SMYD3: variants seen among roughly 807,000 people sequenced by gnomAD.
The protein encoded by SMYD3 is histone-lysine N-methyltransferase SMYD3.
Under a neutral mutation model 57.7 loss-of-function variants are expected in SMYD3, and 36 were observed. The observed-to-expected ratio is 0.62, with a 90% CI of 0.48 to 0.82. The LOEUF is 0.82. Among genes scored for constraint, SMYD3 ranks in the 40% least tolerant of loss-of-function variants. The pLI is 0.00. For synonymous variants in SMYD3, 211 were observed against 195.0 expected, an observed-to-expected ratio of 1.08 and a Z score of -0.68; for missense variants, 515 against 538.8, an observed-to-expected ratio of 0.96 and a Z score of 0.44.
At chr1:246,319,579 G>C (rs2065214679) in intron 5 of SMYD3, among the ~76,000 whole-genome samples, 1 of 152,152 alleles carries the variant, frequency 6.6e-6, no homozygotes, top group South Asian at 2.1e-4. Context: ...GGCTACAGCA[G>C]TGAAACCCAA....
chr1:246,189,664 G>A (rs1451049236), intron 5 of SMYD3, among the ~76,000 whole-genome samples: 1 of 152,154 alleles, frequency 6.6e-6, no homozygotes, highest in African/African-American at 2.4e-5. Flanking sequence ...CACTTAGGGT[G>A]GCTGCCTTTT....
chr1:246,446,978 G>A (rs746799536), intron 1 of SMYD3, among the ~76,000 whole-genome samples: 8 of 149,184 alleles, frequency 5.4e-5, no homozygotes, highest in East Asian at 2.0e-4. Context: ...GCAGTGAGCC[G>A]AGATCGTGCC....
chr1:246,254,938 T>C (rs1375429685), intron 5 of SMYD3, among the ~76,000 whole-genome samples: 1 of 152,230 alleles, frequency 6.6e-6, no homozygotes, highest in Non-Finnish European at 1.5e-5. Flanking sequence ...TTGAACGTTA[T>C]TGGTGTATAA....
intron 1 of SMYD3, among the ~76,000 whole-genome samples, chr1:246,396,608 C>T (rs1182566124): frequency 6.6e-6 from 1 of 152,166 alleles, no homozygotes; most frequent in Non-Finnish European, 1.5e-5. Flanking sequence ...GGCTCTGTGT[C>T]CACACCCAAA....
rs141188076 is a variant in SMYD3, at chr1:245,895,248, C to T, written c.813+20282G>A. 3.5e-3 allele frequency among the ~76,000 whole-genome samples: 537 copies of T among 152,228 alleles called. 5 individuals are homozygous for T. Among genetic ancestry groups the T allele is most frequent in the African/African-American group, 0.012 (497 of 41,530 alleles). Reference sequence around the variant, plus strand: ...TCTGCTTGTCTGGAGAAGCAAGACACAGGTAACATACAGCAATGTTAGGTT... The same window carrying T: ...TCTGCTTGTCTGGAGAAGCAAGACATAGGTAACATACAGCAATGTTAGGTT... On this transcript the variant is annotated intron_variant, in intron 8 of 11. Transcript: ENST00000490107.
intron 5 of SMYD3, among the ~76,000 whole-genome samples, chr1:246,231,216 G>C (rs768278000): frequency 9.9e-5 from 15 of 152,056 alleles, no homozygotes; most frequent in Non-Finnish European, 2.1e-4. Flanking sequence ...TCTCATCCCA[G>C]CTGACATGCC....
intron 5 of SMYD3, among the ~76,000 whole-genome samples, chr1:245,993,184 A>G (rs2058843833): frequency 6.6e-6 from 1 of 152,044 alleles, no homozygotes. Flanking sequence ...TCTCATCATA[A>G]CCCTCTGAGG....
At chr1:246,215,293 T>C (rs1249808939) in intron 5 of SMYD3, among the ~76,000 whole-genome samples, 1 of 152,140 alleles carries the variant, frequency 6.6e-6, no homozygotes, top group Non-Finnish European at 1.5e-5. Flanking sequence ...AAAATATACA[T>C]ATTTAAAATC....
intron 1 of SMYD3, among the ~76,000 whole-genome samples, chr1:246,378,141 A>G (rs1444051095): frequency 6.6e-6 from 1 of 152,218 alleles, no homozygotes; most frequent in Non-Finnish European, 1.5e-5. Flanking sequence ...CTGTTTTACA[A>G]ACTCATTTCT....
chr1:246,481,619 TATAC>T (rs1458769224), intron 1 of SMYD3, among the ~76,000 whole-genome samples: 8 of 95,542 alleles, frequency 8.4e-5, no homozygotes, highest in African/African-American at 1.6e-4. Context: ...CACATACATA[TATAC>T]ATACATACAT....
chr1:245,959,071 C>T (rs1359184936), intron 5 of SMYD3, among the ~76,000 whole-genome samples: 2 of 152,166 alleles, frequency 1.3e-5, no homozygotes, highest in Non-Finnish European at 2.9e-5. Flanking sequence ...CCATGTCCAG[C>T]TAATTTTTTG....
intron 1 of SMYD3, among the ~76,000 whole-genome samples, chr1:246,363,046 G>T (rs938081309): frequency 6.6e-6 from 1 of 151,064 alleles, no homozygotes; most frequent in Non-Finnish European, 1.5e-5. Context: ...CCCATCGTCT[G>T]AGATGTGGGG....
chr1:246,249,681 TTC>T (rs1212894879), intron 5 of SMYD3, among the ~76,000 whole-genome samples: 2 of 152,266 alleles, frequency 1.3e-5, no homozygotes, highest in African/African-American at 2.4e-5. Flanking sequence ...AAAATATAAT[TTC>T]TGTTTCACCC....
chr1:246,329,000 T>A (rs1243154330), intron 4 of SMYD3, among the ~76,000 whole-genome samples: 1 of 152,172 alleles, frequency 6.6e-6, no homozygotes, highest in Non-Finnish European at 1.5e-5. Context: ...TTCATCCATG[T>A]CCCTACAAAG....
chr1:246,330,560 G>C lies in SMYD3; in HGVS notation c.337-23C>G, dbSNP rs771975486. 4 of 1,571,010 alleles carry C rather than the reference G, an allele frequency of 2.5e-6. No homozygotes were observed. The African/African-American group carries it at 5.5e-5, about 22-fold the overall frequency. Reference sequence around the variant, plus strand: ...CATCTGTGAAGGAAAAGGGGAAAACGCCAATAACAATTTCAAGTGTTCCAA... The same window carrying C: ...CATCTGTGAAGGAAAAGGGGAAAACCCCAATAACAATTTCAAGTGTTCCAA... On this transcript the variant is annotated intron_variant, in intron 3 of 11. Coordinates refer to ENST00000490107, the MANE Select transcript of SMYD3 (RefSeq NM_001167740.2).
intron 5 of SMYD3, among the ~76,000 whole-genome samples, chr1:245,954,976 G>A (rs145940485): frequency 1.4e-3 from 206 of 152,260 alleles, no homozygotes; most frequent in African/African-American, 3.9e-3. Context: ...AAATTCTCTC[G>A]TGTGACATCA....
intron 5 of SMYD3, among the ~76,000 whole-genome samples, chr1:245,959,746 T>C (rs1421615959): frequency 6.6e-6 from 1 of 152,190 alleles, no homozygotes; most frequent in East Asian, 1.9e-4. Flanking sequence ...ATGAGTAAAA[T>C]CTCTGTTTTT....
At chr1:245,845,874 A>G (rs2050638097) in intron 10 of SMYD3, among the ~76,000 whole-genome samples, 1 of 152,216 alleles carries the variant, frequency 6.6e-6, no homozygotes, top group Admixed American at 6.5e-5. Flanking sequence ...TGGTTTGTCC[A>G]GAGTTCACCC....
At chr1:245,859,577 G>A (rs1187048332) in intron 9 of SMYD3, among the ~76,000 whole-genome samples, 2 of 152,248 alleles carry the variant, frequency 1.3e-5, no homozygotes, top group East Asian at 3.9e-4. Context: ...TGAATTCTCT[G>A]GGAAACACAG....
Sources: gnomAD v4.1 joint callset for allele counts (sites outside exome capture counted in the v4.1 genomes callset) on GRCh38, gnomAD v4.1.1 for gene constraint, MANE v1.5 for transcripts, NCBI Gene and HGNC (gene_info 2026-07-23, HGNC 2026-07-21) for gene names.